RALYL: variants seen among roughly 807,000 people sequenced by gnomAD.
The protein encoded by RALYL is RNA-binding Raly-like protein.
Under a neutral mutation model 35.1 loss-of-function variants are expected in RALYL, and 29 were observed. The observed-to-expected ratio is 0.83, with a 90% confidence interval of 0.61 to 1.13. The LOEUF (loss-of-function observed/expected upper bound fraction) is 1.13. RALYL is among the 50% of genes most tolerant of loss of function. The pLI is 0.00. For synonymous variants in RALYL, 120 were observed against 127.6 expected (o/e 0.94, Z 0.40); for missense variants, 359 against 360.4 (o/e 1.00, Z 0.03).
At chr8:84,811,740 G>A (rs1825958424) in intron 4 of RALYL, among the ~76,000 whole-genome samples, 1 of 152,068 alleles carries the variant, frequency 6.6e-6, no homozygotes, top group African/African-American at 2.4e-5. Context: ...GTCATGGTTG[G>A]ATTGGTTTAA....
intron 1 of RALYL, among the ~76,000 whole-genome samples, chr8:84,461,658 A>G (rs1361709551): frequency 6.6e-6 from 1 of 151,790 alleles, no homozygotes; most frequent in Non-Finnish European, 1.5e-5. Flanking sequence ...AGAGAGGTCA[A>G]AAAAGAATGT....
chr8:84,653,103 G>A (rs775147386), intron 2 of RALYL, among the ~76,000 whole-genome samples: 11 of 152,096 alleles, frequency 7.2e-5, no homozygotes, highest in Admixed American at 1.3e-4. Flanking sequence ...TTGAGAGTGC[G>A]TACCAGAGTA....
intron 8 of RALYL, among the ~76,000 whole-genome samples, chr8:84,900,395 G>A (rs919782661): frequency 5.9e-5 from 9 of 152,250 alleles, no homozygotes; most frequent in East Asian, 1.9e-4. Flanking sequence ...GACCTCTCCC[G>A]GCTGGGTGCG....
At chr8:84,478,370 G>A (rs73688498) in intron 1 of RALYL, among the ~76,000 whole-genome samples, 9,685 of 152,186 alleles carry the variant, frequency 0.064, 318 homozygotes, top group East Asian at 0.14. Flanking sequence ...TTACAAATGA[G>A]TATAATGTGC....
At chr8:84,275,967 T>C (rs1364261691) in intron 1 of RALYL, among the ~76,000 whole-genome samples, 1 of 152,164 alleles carries the variant, frequency 6.6e-6, no homozygotes, top group Non-Finnish European at 1.5e-5. Context: ...AAAAAAAATA[T>C]ATCATTCATC....
chr8:84,362,658 A>C (rs1053800147), intron 1 of RALYL, among the ~76,000 whole-genome samples: 2 of 152,094 alleles, frequency 1.3e-5, no homozygotes, highest in Admixed American at 6.6e-5. Context: ...TCTGAGGTGA[A>C]ACACTTTTAT....
chr8:84,910,758 ATC>A lies in RALYL; in HGVS notation c.859-10134_859-10133del, dbSNP rs1346616596. On this transcript the variant is annotated intron_variant, in intron 8 of 8. Coordinates refer to ENST00000521268, the MANE Select transcript of RALYL (RefSeq NM_173848.7). ...TTGTTCCTGTAAAATATAAAATATC[ATC>A]TGTTTTTTTAAATCATTTACCTTTG... 5.9e-5 allele frequency among the ~76,000 whole-genome samples: 9 copies of A among 151,980 alleles called. No homozygotes were observed. The South Asian group carries it at 8.3e-4, about 14-fold the overall frequency.
At chr8:84,284,202 C>T (rs960395588) in intron 1 of RALYL, among the ~76,000 whole-genome samples, 2 of 152,064 alleles carry the variant, frequency 1.3e-5, no homozygotes, top group African/African-American at 2.4e-5. Context: ...CAATGACAGA[C>T]ATACTGCATT....
chr8:84,381,750 A>G (rs1858034069), intron 1 of RALYL, among the ~76,000 whole-genome samples: 2 of 151,782 alleles, frequency 1.3e-5, no homozygotes, highest in Non-Finnish European at 2.9e-5. Flanking sequence ...CATCAAATGT[A>G]TTATTTTTGC....
chr8:84,342,295 T>TATATATATATATATATATATATATATAA (rs1053647755), intron 1 of RALYL, among the ~76,000 whole-genome samples: 5 of 119,714 alleles, frequency 4.2e-5, no homozygotes, highest in South Asian at 2.4e-4. Context: ...TATATATATA[T>TATATATATATATATATATATATATATAA]AAAACTCAAA....
intron 3 of RALYL, among the ~76,000 whole-genome samples, chr8:84,792,907 G>A (rs921203019): frequency 6.6e-6 from 1 of 152,196 alleles, no homozygotes; most frequent in Non-Finnish European, 1.5e-5. Context: ...AAGTCACAAG[G>A]AAATAGATTC....
chr8:84,625,132 T>C (rs1822446625), intron 2 of RALYL, among the ~76,000 whole-genome samples: 1 of 152,200 alleles, frequency 6.6e-6, no homozygotes, highest in South Asian at 2.1e-4. Flanking sequence ...GATGAAACTG[T>C]CTTTCAAGCA....
intron 1 of RALYL, chr8:84,184,853 C>T: frequency 1.1e-6 from 1 of 952,182 alleles, no homozygotes; most frequent in South Asian, 1.4e-5. Context: ...CCTCAGAGCA[C>T]CCGGGAGATG....
Position 84,524,161 on chromosome 8 carries a change from G to A in RALYL, c.-23-5138G>A, listed in dbSNP as rs556409764. Among the ~76,000 whole-genome samples, 4 of 152,154 alleles carry A rather than the reference G, an allele frequency of 2.6e-5. No individual in the cohort carries two copies. In the East Asian group the frequency reaches 5.8e-4, roughly 22 times the overall value. ...TGTAAAAGTGTTCCAGAGTGAACAG[G>A]CAACCTACAAAATGGGAGAAAATTT... is the stretch of plus-strand genomic sequence containing the variant. On this transcript the variant is annotated intron_variant, in intron 1 of 8. Transcript: ENST00000521268.
chr8:84,840,729 T>C (rs1195798116), intron 4 of RALYL, among the ~76,000 whole-genome samples: 1 of 152,182 alleles, frequency 6.6e-6, no homozygotes, highest in Non-Finnish European at 1.5e-5. Context: ...AAGGTAGGGT[T>C]ACCCACAAAG....
chr8:84,235,055 G>A (rs181102617), intron 1 of RALYL, among the ~76,000 whole-genome samples: 1 of 152,134 alleles, frequency 6.6e-6, no homozygotes, highest in East Asian at 1.9e-4. Flanking sequence ...GAGCCACCGC[G>A]CCGGGCCTAA....
At chr8:84,333,727 G>A (rs1847253597) in intron 1 of RALYL, among the ~76,000 whole-genome samples, 1 of 152,072 alleles carries the variant, frequency 6.6e-6, no homozygotes, top group African/African-American at 2.4e-5. Context: ...GGTGAGAGTT[G>A]GAGACTGTAA....
chr8:84,220,130 T>G (rs982484636), intron 1 of RALYL, among the ~76,000 whole-genome samples: 2 of 152,048 alleles, frequency 1.3e-5, no homozygotes, highest in Admixed American at 1.3e-4. Flanking sequence ...AGATAGCTAA[T>G]TGTGTGTGGT....
At chr8:84,327,530 T>G (rs1563739502) in intron 1 of RALYL, among the ~76,000 whole-genome samples, 1 of 152,182 alleles carries the variant, frequency 6.6e-6, no homozygotes, top group African/African-American at 2.4e-5. Context: ...TACCTCTTTT[T>G]GGAAATAGTT....
Sources: allele counts gnomAD v4.1 joint callset (sites outside exome capture counted in the v4.1 genomes callset), GRCh38; gene constraint gnomAD v4.1.1; transcripts MANE v1.5; gene names NCBI Gene and HGNC (gene_info 2026-07-23, HGNC 2026-07-21).